The following SNTG1 variants were observed in gnomAD, a reference collection of about 807,000 sequenced individuals.
SNTG1 encodes the protein syntrophin gamma 1.
SNTG1 carries 39 observed loss-of-function variants against 74.7 expected under a neutral mutation model. The ratio of observed to expected loss-of-function variants is 0.52; its 90% CI spans 0.40 to 0.68. SNTG1 has a LOEUF of 0.68. Ranked by LOEUF, SNTG1 falls within the 30% of genes least tolerant of loss-of-function variation. The pLI is 0.00. For synonymous variants in SNTG1, 254 were observed against 217.1 expected (o/e 1.17, Z -1.49); for missense variants, 685 against 609.5 (o/e 1.12, Z -1.30).
chr8:50,553,266 T>C, intron 12 of SNTG1, 87 bp downstream of exon 12: 1 of 1,510,788 alleles, frequency 6.6e-7, no homozygotes, highest in Non-Finnish European at 9.0e-7. Context: ...CATCAACTGT[T>C]TGGTGTTCTT....
chr8:50,462,875 G>A (rs190503174), intron 8 of SNTG1, among the ~76,000 whole-genome samples: 2,018 of 116,910 alleles, frequency 0.017, 16 homozygotes, highest in Non-Finnish European at 0.023. Context: ...GGAGTGCAAT[G>A]ACACGATCTT....
intron 2 of SNTG1, among the ~76,000 whole-genome samples, chr8:50,315,174 T>C (rs1369473961): frequency 2.7e-5 from 4 of 149,830 alleles, no homozygotes; most frequent in Non-Finnish European, 5.9e-5. Context: ...GGGATAGAGC[T>C]GCAGTGGTCA....
At chr8:50,433,249 A>AT (rs1413146161) in intron 4 of SNTG1, among the ~76,000 whole-genome samples, 5 of 151,976 alleles carry the variant, frequency 3.3e-5, no homozygotes, top group African/African-American at 9.7e-5. Flanking sequence ...TTCTAGAAGA[A>AT]TTTTTTTTCA....
At chr8:50,066,007 G>A (rs1224181969) in intron 1 of SNTG1, among the ~76,000 whole-genome samples, 2 of 152,112 alleles carry the variant, frequency 1.3e-5, no homozygotes, top group African/African-American at 4.8e-5. Context: ...ACAAGGTCAG[G>A]AGTTCGAGAC....
chr8:50,536,808 G>C lies in SNTG1; in HGVS notation c.680G>C (p.Arg227Pro), dbSNP rs762384621. The C allele has an allele frequency of 5.0e-6, 8 of 1,613,676 alleles. No homozygotes were observed. The highest frequency in any genetic ancestry group is 1.1e-5 in the South Asian group (1 of 91,034). ...TATGTGCCCGGCACAGATTTGAGTC[G>C]GTGAGTCCGTGTTTAGGAGTTATGA... ...SQYVPGTDLS[R>P]QNAFQVIAVD... The change falls in exon 11 of 19, where the codon CGG (arginine) becomes CCG (proline). Residue 227 changes from arginine to proline, a missense_variant and splice_region_variant. By Grantham distance (103) the Arg-to-Pro change is moderately radical. Transcript: ENST00000642720.
At chr8:50,013,859 C>G (rs930556469) in intron 1 of SNTG1, among the ~76,000 whole-genome samples, 2 of 152,058 alleles carry the variant, frequency 1.3e-5, no homozygotes, top group Non-Finnish European at 2.9e-5. Context: ...GGACTTGGAA[C>G]CTGAAAAGTT....
At chr8:49,961,106 T>C (rs1383398907) in intron 1 of SNTG1, among the ~76,000 whole-genome samples, 1 of 152,148 alleles carries the variant, frequency 6.6e-6, no homozygotes, top group Non-Finnish European at 1.5e-5. Context: ...GATCTACAGG[T>C]TTAGCTAAGC....
At chr8:50,671,253 G>A (rs1017494683) in intron 15 of SNTG1, among the ~76,000 whole-genome samples, 12 of 151,782 alleles carry the variant, frequency 7.9e-5, no homozygotes, top group Admixed American at 7.2e-4. Context: ...TGAGTGAACA[G>A]GCAACCTACA....
At chr8:50,645,591 T>TATC (rs1563687738) in intron 13 of SNTG1, among the ~76,000 whole-genome samples, 1 of 152,136 alleles carries the variant, frequency 6.6e-6, no homozygotes, top group Non-Finnish European at 1.5e-5. Context: ...ATAGGGATAT[T>TATC]ATCTTCCTCC....
chr8:49,976,417 G>A (rs1812198049), intron 1 of SNTG1, among the ~76,000 whole-genome samples: 1 of 152,112 alleles, frequency 6.6e-6, no homozygotes, highest in Admixed American at 6.5e-5. Context: ...ATTTCTGCCA[G>A]GTTGTGGGGC....
chr8:50,755,011 A>G (rs561274432), intron 18 of SNTG1, among the ~76,000 whole-genome samples: 10 of 151,818 alleles, frequency 6.6e-5, no homozygotes, highest in Middle Eastern at 3.4e-3. Context: ...AATTTCCTGT[A>G]TACCACCTGT....
intron 15 of SNTG1, among the ~76,000 whole-genome samples, chr8:50,666,658 A>G (rs557960044): frequency 3.3e-5 from 5 of 152,264 alleles, no homozygotes; most frequent in Non-Finnish European, 7.4e-5. Context: ...CCTGCCTCAT[A>G]TAGAGACAAC....
rs1259153957 is a variant in SNTG1 at position 50,121,494 on chromosome 8, T to C, written c.-102-51067T>C. Among the ~76,000 whole-genome samples the C allele has an allele frequency of 2.1e-5, 3 of 141,302 alleles. 1 individual carries two copies. The highest frequency in any genetic ancestry group is 7.7e-5 in the African/African-American group (3 of 38,924). The allele number at this position is 141,302 out of a possible 152,430, so 92.7% of individuals were successfully genotyped here. A position where few individuals can be genotyped will look rare whatever the true frequency, so the allele number is the denominator to read the frequency against. ...TTACAGGTACCTGCTAGAAAAAAAA[T>C]GTTGATGTGCTTTGGAAGATTATAG... On this transcript the variant is annotated intron_variant, in intron 1 of 18. Transcript: ENST00000642720.
At chr8:50,524,742 C>T (rs918577445) in intron 9 of SNTG1, among the ~76,000 whole-genome samples, 3 of 152,070 alleles carry the variant, frequency 2.0e-5, no homozygotes, top group Non-Finnish European at 2.9e-5. Context: ...TTAAAATATA[C>T]TGAAGGATGT....
At chr8:50,134,674 T>TGA (rs2081415539) in intron 1 of SNTG1, among the ~76,000 whole-genome samples, 1 of 152,098 alleles carries the variant, frequency 6.6e-6, no homozygotes, top group African/African-American at 2.4e-5. Context: ...CTTTTAAAAA[T>TGA]GAGAGACGCT....
intron 2 of SNTG1, among the ~76,000 whole-genome samples, chr8:50,232,837 CA>C (rs2085698154): frequency 1.3e-5 from 2 of 151,502 alleles, no homozygotes; most frequent in East Asian, 3.9e-4. Context: ...TACAATTGCT[CA>C]AAAAATGATA....
Position 50,223,518 on chromosome 8 carries a change from T to C in SNTG1, c.-28+50883T>C, listed in dbSNP as rs555831693. On this transcript the variant is annotated intron_variant, in intron 2 of 18. Coordinates refer to ENST00000642720, the MANE Select transcript of SNTG1 (RefSeq NM_018967.5). ...TAACTATTTATCCTTATTGAGTTTA[T>C]TATGCAAAAGGAAGGTATTTTCAAC... Among the ~76,000 whole-genome samples, 8 of 152,282 alleles carry C rather than the reference T, an allele frequency of 5.3e-5. No individual in the cohort carries two copies. The South Asian group carries it at 1.7e-3, about 32-fold the overall frequency.
intron 1 of SNTG1, among the ~76,000 whole-genome samples, chr8:49,968,898 G>T (rs1811388958): frequency 6.6e-6 from 1 of 152,112 alleles, no homozygotes; most frequent in East Asian, 1.9e-4. Flanking sequence ...AGCACTACAG[G>T]CAAAGGGCGA....
chr8:50,145,197 G>A (rs1586465102), intron 1 of SNTG1, among the ~76,000 whole-genome samples: 1 of 152,154 alleles, frequency 6.6e-6, no homozygotes, highest in Non-Finnish European at 1.5e-5. Flanking sequence ...AGCCTCATTG[G>A]AATGGATTGA....
Sources: allele counts gnomAD v4.1 joint callset (sites outside exome capture counted in the v4.1 genomes callset), GRCh38; gene constraint gnomAD v4.1.1; transcripts MANE v1.5; gene names NCBI Gene and HGNC (gene_info 2026-07-23, HGNC 2026-07-21).